ENPP2: variants seen among roughly 807,000 people sequenced by gnomAD.
The protein encoded by ENPP2 is autotaxin.
In ENPP2, 51 loss-of-function variants were observed where a neutral mutation model predicts 120.2. The observed-to-expected ratio is 0.42, with a 90% CI of 0.34 to 0.54. The LOEUF is 0.54. Ranked by LOEUF, ENPP2 falls within the 20% of genes least tolerant of loss-of-function variation. The pLI, the probability that ENPP2 is intolerant of heterozygous loss-of-function variation, is 0.04. For missense variants in ENPP2, 920 were observed against 1,066.5 expected (o/e 0.86, Z 1.91); for synonymous variants, 365 against 366.4 (o/e 1.00, Z 0.04).
intron 9 of ENPP2, among the ~76,000 whole-genome samples, chr8:119,606,792 A>G (rs1814748819): frequency 6.6e-6 from 1 of 151,946 alleles, no homozygotes; most frequent in South Asian, 2.1e-4. Context: ...GCACACTGCT[A>G]TTATAGAATA....
chr8:119,582,102 G>A lies in ENPP2; in HGVS notation c.1728+316C>T, dbSNP rs528614976. Among the ~76,000 whole-genome samples the A allele has an allele frequency of 2.3e-3, 348 of 152,272 alleles. 3 individuals carry two copies. Among genetic ancestry groups the A allele is most frequent in the African/African-American group, 6.9e-3 (286 of 41,536 alleles). On this transcript the variant is annotated intron_variant, in intron 18 of 24. Transcript: ENST00000075322. Reference sequence around the variant, plus strand: ...CGTCGGGACCATGACTAATAGACATGTGATCCACAGTTGAAGAAAACAGAA... The same window carrying A: ...CGTCGGGACCATGACTAATAGACATATGATCCACAGTTGAAGAAAACAGAA...
chr8:119,668,843 C>A (rs1379866960), intron 1 of ENPP2, among the ~76,000 whole-genome samples: 1 of 152,286 alleles, frequency 6.6e-6, no homozygotes, highest in South Asian at 2.1e-4. Flanking sequence ...TTCTCTCTAA[C>A]TTTCTGTCTC....
chr8:119,668,455 A>T (rs1818143605), intron 1 of ENPP2, among the ~76,000 whole-genome samples: 1 of 118,480 alleles, frequency 8.4e-6, no homozygotes. Context: ...TTTGAGACAG[A>T]GTCTCACTCT....
intron 22 of ENPP2, among the ~76,000 whole-genome samples, chr8:119,565,757 A>G (rs1814366311): frequency 6.6e-6 from 1 of 152,144 alleles, no homozygotes; most frequent in Admixed American, 6.5e-5. Context: ...ACAAAAGACT[A>G]TTCCCTGGGT....
At chr8:119,673,266 G>C in exon 1 of ENPP2, 2 of 1,535,306 alleles carry the variant, frequency 1.3e-6, no homozygotes, top group Non-Finnish European at 1.7e-6. Flanking sequence ...TCGGCGTGGC[G>C]GGTCATGCTG....
intron 3 of ENPP2, among the ~76,000 whole-genome samples, chr8:119,622,415 C>T (rs989569): frequency 0.01 from 1,595 of 152,348 alleles, 24 homozygotes; most frequent in African/African-American, 0.037. Context: ...AATGACAGGT[C>T]AGAGTTCCTA....
chr8:119,607,111 T>C (rs1814771646), intron 9 of ENPP2, among the ~76,000 whole-genome samples: 1 of 152,124 alleles, frequency 6.6e-6, no homozygotes, highest in African/African-American at 2.4e-5. Flanking sequence ...AAATAGAGGC[T>C]TCCCCTTGGT....
At chr8:119,560,061 T>C (rs991405475) in intron 24 of ENPP2, among the ~76,000 whole-genome samples, 1 of 152,176 alleles carries the variant, frequency 6.6e-6, no homozygotes, top group Non-Finnish European at 1.5e-5. Flanking sequence ...ACAGCCTTTG[T>C]ACCAAGTTTA....
intron 8 of ENPP2, among the ~76,000 whole-genome samples, chr8:119,613,297 A>T (rs981321812): frequency 1.1e-4 from 17 of 152,250 alleles, no homozygotes; most frequent in African/African-American, 4.1e-4. Context: ...AAGGCTAAAA[A>T]ACAAAGATTA....
chr8:119,595,984 G>A, intron 11 of ENPP2: 2 of 1,613,912 alleles, frequency 1.2e-6, no homozygotes, highest in Non-Finnish European at 1.7e-6. Context: ...GGAGTAAAAG[G>A]TGAGCCATAA....
chr8:119,634,052 G>A (rs994606357), intron 2 of ENPP2, among the ~76,000 whole-genome samples: 1 of 151,910 alleles, frequency 6.6e-6, no homozygotes, highest in African/African-American at 2.4e-5. Flanking sequence ...GCGCGGTGGT[G>A]GGCGCCTGTA....
intron 1 of ENPP2, among the ~76,000 whole-genome samples, chr8:119,669,490 C>T (rs1818177302): frequency 6.6e-6 from 1 of 152,168 alleles, no homozygotes; most frequent in African/African-American, 2.4e-5. Context: ...TCCTGTGACT[C>T]CAAGTTCATG....
At chr8:119,617,640 G>C in intron 5 of ENPP2, 77 bp from the exon 6 acceptor site, 1 of 1,009,384 alleles carries the variant, frequency 9.9e-7, no homozygotes, top group Non-Finnish European at 1.5e-6. Flanking sequence ...CTCAATAATG[G>C]GAGCAATAAT....
Position 119,583,795 on chromosome 8 carries a change from C to CA in ENPP2, c.1464dup (p.Val489CysfsTer8). The stretch of plus-strand genomic sequence containing the variant: ...TACTTAAATGTTGAGCCATAACCTA[C>CA]AAAAACAGTCTTCCAAAAGAAAAGA... On this transcript the variant is annotated frameshift_variant, in exon 17 of 25. Transcript: ENST00000075322. LOFTEE classifies it high-confidence loss of function. 6.3e-7 allele frequency: 1 copy of CA among 1,585,298 alleles called. No homozygotes were observed. Among genetic ancestry groups the CA allele is most frequent in the Non-Finnish European group, 8.6e-7 (1 of 1,158,136 alleles).
At chr8:119,590,359 A>G in intron 13 of ENPP2, 146 bp downstream of exon 13, 1 of 499,460 alleles carries the variant, frequency 2.0e-6, no homozygotes, top group Non-Finnish European at 3.4e-6. Context: ...TGAGGCTTAG[A>G]GTCTAAATGA....
chr8:119,599,024 A>C (rs767695205), intron 11 of ENPP2, among the ~76,000 whole-genome samples: 1 of 152,176 alleles, frequency 6.6e-6, no homozygotes, highest in Non-Finnish European at 1.5e-5. Context: ...TGTTTTGTGA[A>C]CATTTTGATA....
intron 1 of ENPP2, among the ~76,000 whole-genome samples, chr8:119,648,662 T>C (rs946266815): frequency 1.3e-5 from 2 of 152,220 alleles, no homozygotes; most frequent in Admixed American, 6.5e-5. Context: ...GCCATTTCTG[T>C]GATTCCCCTT....
chr8:119,582,700 T>G, intron 17 of ENPP2, 98 bp from the exon 18 acceptor site: 1 of 882,364 alleles, frequency 1.1e-6, no homozygotes, highest in Non-Finnish European at 1.8e-6. Flanking sequence ...GTCTGAAAAC[T>G]GTGAACACAA....
rs76491956 is a variant in ENPP2 at position 119,626,633 on chromosome 8, C to A, written c.224G>T (p.Arg75Leu). Residue 75 changes from arginine to leucine, a missense_variant, in exon 3 of 25, where the codon CGC (arginine) becomes CTC (leucine). Coordinates refer to ENST00000075322, the MANE Select transcript of ENPP2 (RefSeq NM_001040092.3). ...ATAGCTCTTACACAAGTTGTCACAGCGACAATCAGGAGGTCCAGCCTCTTG... is the reference window on the plus strand; with the variant it reads ...ATAGCTCTTACACAAGTTGTCACAGAGACAATCAGGAGGTCCAGCCTCTTG... ...ELQEAGPPDC[R>L]CDNLCKSYTS... The A allele has an allele frequency of 8.7e-6, 14 of 1,613,950 alleles. No individual in the cohort carries two copies. Among genetic ancestry groups the A allele is most frequent in the Admixed American group, 1.7e-5 (1 of 60,024 alleles).
Sources: gnomAD v4.1 joint callset for allele counts (sites outside exome capture counted in the v4.1 genomes callset) on GRCh38, gnomAD v4.1.1 for gene constraint, MANE v1.5 for transcripts, NCBI Gene and HGNC (gene_info 2026-07-23, HGNC 2026-07-21) for gene names.